The following ZNF528 variants were observed in gnomAD, a reference collection of about 807,000 sequenced individuals.
The protein encoded by ZNF528 is zinc finger protein 528.
ZNF528 carries 9 observed loss-of-function variants against 13.3 expected under a neutral mutation model. That is an observed-to-expected ratio of 0.67 (90% CI 0.41 to 1.18). The LOEUF is 1.18. ZNF528 is among the 50% of genes most tolerant of loss of function. The pLI is 0.01. For synonymous variants in ZNF528, 264 were observed against 254.3 expected, an observed-to-expected ratio of 1.04 and a Z score of -0.36; for missense variants, 858 against 745.4, an observed-to-expected ratio of 1.15 and a Z score of -1.76.
Position 52,416,347 on chromosome 19 carries a change from G to A in ZNF528, c.1495G>A (p.Gly499Ser). ...GAAGCCTTACAAATGTAACAGATGTGGCAAGGTCTTCAGTCGCAGTTCAAA... is the reference window on the plus strand; with the variant it reads ...GAAGCCTTACAAATGTAACAGATGTAGCAAGGTCTTCAGTCGCAGTTCAAA... ...GEKPYKCNRC[G>S]KVFSRSSNLV... The change falls in exon 7 of 7, where the codon GGC becomes AGC. Residue 499 changes from glycine (G) to serine (S), a missense_variant. By Grantham distance (56) the Gly-to-Ser change is moderately conservative. Transcript: ENST00000360465. 6.2e-7 allele frequency: 1 copy of A among 1,614,002 alleles called. No individual in the cohort carries two copies. Among genetic ancestry groups the A allele is most frequent in the Non-Finnish European group, 8.5e-7 (1 of 1,179,928 alleles).
At chr19:52,400,227 A>AACACAC (rs56136198) in intron 2 of ZNF528, among the ~76,000 whole-genome samples, 9,411 of 144,620 alleles carry the variant, frequency 0.065, 348 homozygotes, top group East Asian at 0.11. Flanking sequence ...TGCCCATTAA[A>AACACAC]ACACACACAC....
chr19:52,416,645 T>C lies in ZNF528; in HGVS notation c.1793T>C (p.Ile598Thr), dbSNP rs2059008888. Residue 598 changes from isoleucine to threonine, a missense_variant, in exon 7 of 7, where the codon ATT becomes ACT. By Grantham distance (89) the Ile-to-Thr change is moderately conservative. Coordinates refer to ENST00000360465, the MANE Select transcript of ZNF528 (RefSeq NM_032423.3). Reference sequence around the variant, plus strand: ...TCTTCCCTCACCAATCACCATAGAATTCACATTGGAGAGAAACCTTACAAA... The same window carrying C: ...TCTTCCCTCACCAATCACCATAGAACTCACATTGGAGAGAAACCTTACAAA... ...QKSSLTNHHR[I>T]HIGEKPYKCT... is the part of the protein sequence containing the mutation. 6.2e-7 allele frequency: 1 copy of C among 1,614,066 alleles called. No individual in the cohort carries two copies. Among genetic ancestry groups the C allele is most frequent in the Non-Finnish European group, 8.5e-7 (1 of 1,180,022 alleles).
chr19:52,406,135 G>A, intron 5 of ZNF528, 102 bp downstream of exon 5: 1 of 1,390,386 alleles, frequency 7.2e-7, no homozygotes. Context: ...GCCTGAGATT[G>A]AAACCATGTT....
chr19:52,407,016 C>T (rs566242084), intron 6 of ZNF528: 40 of 231,754 alleles, frequency 1.7e-4, no homozygotes, highest in African/African-American at 8.7e-4. Flanking sequence ...ATGATTATGG[C>T]TTGCTGCATC....
At chr19:52,408,786 C>T (rs901536623) in intron 6 of ZNF528, among the ~76,000 whole-genome samples, 4 of 152,086 alleles carry the variant, frequency 2.6e-5, no homozygotes, top group African/African-American at 9.7e-5. Context: ...AGGCTGGTCC[C>T]GAACTCCTGA....
chr19:52,401,745 A>G lies in ZNF528; in HGVS notation c.-76A>G, dbSNP rs1392643914. 5.4e-6 allele frequency: 8 copies of G among 1,469,912 alleles called. No individual in the cohort carries two copies. The highest frequency in any genetic ancestry group is 7.2e-6 in the Non-Finnish European group (8 of 1,106,518). 91.1% of individuals were successfully genotyped at this position (1,469,912 alleles called of 1,614,324 possible). Reference sequence around the variant, plus strand: ...AAAAATCTCAGAAGGAATCCACTCAACAGACGAGGTACCTTAACCACATAA... The same window carrying G: ...AAAAATCTCAGAAGGAATCCACTCAGCAGACGAGGTACCTTAACCACATAA... On this transcript the variant is annotated 5_prime_UTR_variant, in exon 3 of 7. Transcript: ENST00000360465.
At position 52,417,776 on chromosome 19, in the gene ZNF528, C is replaced by T. The variant is rs1374051217; in HGVS notation, c.*1037C>T. 6.6e-6 allele frequency: 1 copy of T among 151,854 alleles called. No individual in the cohort carries two copies. Among genetic ancestry groups the T allele is most frequent in the African/African-American group, 2.4e-5 (1 of 41,306 alleles). The allele number at this position is 151,854 out of a possible 1,614,324, so 9.4% of individuals were successfully genotyped here. ...AGACTACAGACGTGCGCCACCACAC[C>T]CAGTTCATTTTTGTATTTTTAGTAG... On this transcript the variant is annotated 3_prime_UTR_variant, in exon 7 of 7. Transcript: ENST00000360465.
rs2058856592 is a variant in ZNF528, at chr19:52,406,395, G to A, written c.143-120G>A. Reference sequence around the variant, plus strand: ...CTAAGCATTCAGAAAGAGGCAGTCAGTAGATGAATTTGTGAAATACTATTT... The same window carrying A: ...CTAAGCATTCAGAAAGAGGCAGTCAATAGATGAATTTGTGAAATACTATTT... On this transcript the variant is annotated intron_variant, in intron 5 of 6. Coordinates refer to ENST00000360465, the MANE Select transcript of ZNF528 (RefSeq NM_032423.3). The A allele has an allele frequency of 2.8e-6, 4 of 1,407,966 alleles. No homozygotes were observed. In the South Asian group the frequency reaches 4.8e-5, roughly 17 times the overall value. 87.2% of individuals were successfully genotyped at this position (1,407,966 alleles called of 1,614,324 possible).
intron 4 of ZNF528, among the ~76,000 whole-genome samples, chr19:52,404,582 G>T (rs115903980): frequency 1.3e-5 from 2 of 151,530 alleles, no homozygotes; most frequent in South Asian, 4.2e-4. Flanking sequence ...TTCAGATTTT[G>T]ATCATTTTTT....
chr19:52,400,362 A>G (rs1251869788), intron 2 of ZNF528, among the ~76,000 whole-genome samples: 1 of 151,916 alleles, frequency 6.6e-6, no homozygotes, highest in Non-Finnish European at 1.5e-5. Flanking sequence ...TGCTCCATGT[A>G]AGAGCACAAT....
chr19:52,401,279 T>G (rs777872915), intron 2 of ZNF528, among the ~76,000 whole-genome samples: 19 of 152,172 alleles, frequency 1.2e-4, no homozygotes, highest in Non-Finnish European at 4.4e-5. Flanking sequence ...CCTACAGTCC[T>G]GCATAGCTCA....
At chr19:52,414,570 A>G in intron 6 of ZNF528, 1 of 484,088 alleles carries the variant, frequency 2.1e-6, no homozygotes, top group South Asian at 2.3e-5. Context: ...GATAATTTCA[A>G]TGAGCATGGC....
At chr19:52,405,401 T>C (rs1056057678) in intron 4 of ZNF528, among the ~76,000 whole-genome samples, 2 of 151,954 alleles carry the variant, frequency 1.3e-5, no homozygotes, top group Non-Finnish European at 2.9e-5. Flanking sequence ...CATGGTGTCA[T>C]GAGCCTGTAG....
rs778781518 is a variant in ZNF528 at position 52,416,400 on chromosome 19, A to G, written c.1548A>G (p.Thr516=). 25 of 1,613,840 alleles carry G rather than the reference A, an allele frequency of 1.5e-5. No individual in the cohort carries two copies. The highest frequency in any genetic ancestry group is 1.6e-4 in the Middle Eastern group (1 of 6,084). Residue 516 remains threonine (T), a synonymous_variant, in exon 7 of 7, where the codon ACA becomes ACG. Coordinates refer to ENST00000360465, the MANE Select transcript of ZNF528 (RefSeq NM_032423.3). ...TGGTATGCCATCAGAAAATTCATAC[A>G]GGAGAAAAGCCTTACAAATGTAATC... is the stretch of plus-strand genomic sequence containing the variant. The part of the protein sequence containing the change: ...SNLVCHQKIH[T]GEKPYKCNQC...
At chr19:52,408,904 C>T (rs1054623549) in intron 6 of ZNF528, among the ~76,000 whole-genome samples, 1 of 152,158 alleles carries the variant, frequency 6.6e-6, no homozygotes, top group South Asian at 2.1e-4. Context: ...ATTAAAGATA[C>T]CGTCCAGAGT....
chr19:52,408,429 G>C (rs2058887288), intron 6 of ZNF528: 2 of 151,812 alleles, frequency 1.3e-5, no homozygotes, highest in African/African-American at 4.8e-5. Context: ...GCCTCCCAAA[G>C]TGCTGGGATT....
intron 6 of ZNF528, chr19:52,414,532 TG>T: frequency 1.8e-6 from 1 of 550,872 alleles, no homozygotes; most frequent in Non-Finnish European, 3.3e-6. Context: ...CTGCATTCTT[TG>T]AACAATAGAC....
chr19:52,416,575 A>T lies in ZNF528; in HGVS notation c.1723A>T (p.Lys575Ter). 5 of 1,614,220 alleles carry T rather than the reference A, an allele frequency of 3.1e-6. No homozygotes were observed. Among genetic ancestry groups the T allele is most frequent in the Non-Finnish European group, 4.2e-6 (5 of 1,180,042 alleles). The change falls in exon 7 of 7, where the codon AAA becomes TAA. Residue 575 changes from lysine to a stop codon, truncating the protein, a stop_gained. Coordinates refer to ENST00000360465, the MANE Select transcript of ZNF528 (RefSeq NM_032423.3). LOFTEE classifies it low-confidence loss of function (END_TRUNC). ...CCATCTTGCAATCCATACTGAAAAG[A>T]AATCTCATGAGTGTAAAGAATGTGG... The part of the protein sequence containing the change: ...TAHLAIHTEK[K>*]SHECKECGKI...
intron 4 of ZNF528, among the ~76,000 whole-genome samples, chr19:52,403,248 T>G (rs1286191263): frequency 6.6e-6 from 1 of 152,210 alleles, no homozygotes; most frequent in Non-Finnish European, 1.5e-5. Context: ...GAAGGATCCT[T>G]TGATGCCAGG....
Sources: allele counts gnomAD v4.1 joint callset (sites outside exome capture counted in the v4.1 genomes callset), GRCh38; gene constraint gnomAD v4.1.1; transcripts MANE v1.5; gene names NCBI Gene and HGNC (gene_info 2026-07-23, HGNC 2026-07-21).